The following SKIDA1 variants were observed in gnomAD, a reference collection of about 807,000 sequenced individuals.
SKIDA1 encodes SKI/DACH domain containing 1.
A neutral mutation model predicts 51.4 loss-of-function variants in SKIDA1; 18 were observed. The ratio of observed to expected loss-of-function variants is 0.35; its 90% confidence interval spans 0.24 to 0.52. The LOEUF (loss-of-function observed/expected upper bound fraction) is 0.52, where lower values mean the gene tolerates loss of function less well. Ranked by LOEUF, SKIDA1 falls within the 20% of genes least tolerant of loss-of-function variation. SKIDA1 has a pLI of 0.95. For synonymous variants in SKIDA1, 579 were observed against 500.5 expected (o/e 1.16, Z -2.09); for missense variants, 1,104 against 1,180.6 (o/e 0.94, Z 0.95).
chr10:21,519,049 A>G lies in SKIDA1; in HGVS notation c.-1227T>C, dbSNP rs1324461845. ...AAGCATAGATAAGCCAGAAATGTGT[A>G]CACTTTTCCACAATTAACCGTACTG... On this transcript the variant is annotated 5_prime_UTR_variant, in exon 4 of 4. Coordinates refer to ENST00000449193, the MANE Select transcript of SKIDA1 (RefSeq NM_207371.4). The G allele has an allele frequency of 6.0e-6, 1 of 167,002 alleles. No individual in the cohort carries two copies. The highest frequency in any genetic ancestry group is 1.5e-5 in the Non-Finnish European group (1 of 68,138). The allele number at this position is 167,002 out of a possible 1,614,324, so 10.3% of individuals were successfully genotyped here. A position where few individuals can be genotyped will look rare whatever the true frequency, so the allele number is the denominator to read the frequency against.
rs1339266732 is a variant in SKIDA1, at chr10:21,517,442, G to T, written c.381C>A (p.Pro127=). The change falls in exon 4 of 4, where the codon CCC becomes CCA. Residue 127 remains proline (P), a synonymous_variant. Coordinates refer to ENST00000449193, the MANE Select transcript of SKIDA1 (RefSeq NM_207371.4). The surrounding 1 kb of genome is among the most constrained non-coding windows in gnomAD (Gnocchi z 6.9). The stretch of plus-strand genomic sequence containing the variant: ...GCTTGTCCTTCCAAAATCCCGGGCG[G>T]GGGCTGGCGGCAGCGGCGCGCTCTG... The part of the protein sequence containing the change: ...PPPERAAAAS[P]RPGFWKDKHQ... The T allele has an allele frequency of 1.3e-6, 2 of 1,500,104 alleles. No homozygotes were observed. Among genetic ancestry groups the T allele is most frequent in the East Asian group, 2.5e-5 (1 of 40,224 alleles). 92.9% of individuals were successfully genotyped at this position (1,500,104 alleles called of 1,614,324 possible).
Position 21,515,691 on chromosome 10 carries a change from C to A in SKIDA1, c.2132G>T (p.Cys711Phe). ...GTAAAACTCACCCTTTGTATCATTG[C>A]ACTCGCACTTTAGCTTATTTGTAAA... is the stretch of plus-strand genomic sequence containing the variant. ...HLFTNKLKCE[C>F]NDTKGEFYSV... Residue 711 changes from cysteine to phenylalanine, a missense_variant, in exon 4 of 4, where the codon TGC (cysteine) becomes TTC (phenylalanine). Physicochemically the swap from Cys to Phe is radical, Grantham distance 205. Coordinates refer to ENST00000449193, the MANE Select transcript of SKIDA1 (RefSeq NM_207371.4). The A allele has an allele frequency of 6.2e-7, 1 of 1,614,056 alleles. No individual in the cohort carries two copies. The highest frequency in any genetic ancestry group is 8.5e-7 in the Non-Finnish European group (1 of 1,179,910).
At position 21,517,102 on chromosome 10, in the gene SKIDA1, C is replaced by CA. The variant is rs2032256130; in HGVS notation, c.720_721insT (p.Ala241CysfsTer198). On this transcript the variant is annotated frameshift_variant, in exon 4 of 4. Coordinates refer to ENST00000449193, the MANE Select transcript of SKIDA1 (RefSeq NM_207371.4). LOFTEE classifies it high-confidence loss of function. The surrounding 1 kb of genome is among the most constrained non-coding windows in gnomAD (Gnocchi z 6.9). ...GATACCTGGTAATAGGCGGCGGCGG[C>CA]GGCGGCGGCGGCGGCGGCAGCAGCG... The CA allele has an allele frequency of 1.7e-5, 17 of 993,174 alleles. No homozygotes were observed. Among genetic ancestry groups the CA allele is most frequent in the Non-Finnish European group, 2.0e-5 (17 of 836,670 alleles). The allele number at this position is 993,174 out of a possible 1,614,324, so 61.5% of individuals were successfully genotyped here.
At position 21,516,890 on chromosome 10, in the gene SKIDA1, TGCC is replaced by T. The variant is rs749533809; in HGVS notation, c.930_932del (p.Ala318del). On this transcript the variant is annotated inframe_deletion, in exon 4 of 4. Coordinates refer to ENST00000449193, the MANE Select transcript of SKIDA1 (RefSeq NM_207371.4). The surrounding 1 kb of genome is among the most constrained non-coding windows in gnomAD (Gnocchi z 5.7). ...CCCCCGCGGCGGCCGCCGCCGCCGC[TGCC>T]GCCGCCGCCGCCGCCGCCGCCGCCT... 480 of 1,189,042 alleles carry T rather than the reference TGCC, an allele frequency of 4.0e-4. No homozygotes were observed. Among genetic ancestry groups the T allele is most frequent in the Admixed American group, 2.3e-3 (49 of 21,464 alleles). 73.7% of individuals were successfully genotyped at this position (1,189,042 alleles called of 1,614,324 possible). A position where few individuals can be genotyped will look rare whatever the true frequency, so the allele number is the denominator to read the frequency against.
chr10:21,519,486 A>G lies in SKIDA1; in HGVS notation c.-1664T>C, dbSNP rs913898174. ...GAGCAAGGGTCCTCCCAGTCGCATT[A>G]CCACGATCCCAAGGCGGCTCCTTGG... On this transcript the variant is annotated 5_prime_UTR_variant, in exon 4 of 4. Coordinates refer to ENST00000449193, the MANE Select transcript of SKIDA1 (RefSeq NM_207371.4). 1.2e-5 allele frequency: 2 copies of G among 167,078 alleles called. No homozygotes were observed. Among genetic ancestry groups the G allele is most frequent in the African/African-American group, 4.8e-5 (2 of 41,448 alleles). 10.3% of individuals were successfully genotyped at this position (167,078 alleles called of 1,614,324 possible).
chr10:21,523,134 G>A (rs1398869447), intron 2 of SKIDA1, among the ~76,000 whole-genome samples: 8 of 151,892 alleles, frequency 5.3e-5, no homozygotes, highest in South Asian at 4.2e-4. Context: ...TGTAAGAAAC[G>A]GCTAGGCCAC....
chr10:21,516,545 CTCCTCT>C lies in SKIDA1; in HGVS notation c.1272_1277del (p.Glu427_Glu428del). On this transcript the variant is annotated inframe_deletion, in exon 4 of 4. Transcript: ENST00000449193. This position sits in a 1 kb window ranked among gnomAD's most constrained non-coding sequence, Gnocchi z 5.7. The stretch of plus-strand genomic sequence containing the variant: ...CCGAGGCCCCGCTGCCCCCCTCCTC[CTCCTCT>C]TCCTCCTCCTCCTCCTCTCCCTCCT... The C allele has an allele frequency of 6.5e-7, 1 of 1,546,958 alleles. No homozygotes were observed.
Position 21,517,447 on chromosome 10 carries a change from T to C in SKIDA1, c.376A>G (p.Ser126Gly). 1 of 1,505,998 alleles carries C rather than the reference T, an allele frequency of 6.6e-7. No homozygotes were observed. Among genetic ancestry groups the C allele is most frequent in the East Asian group, 2.5e-5 (1 of 40,180 alleles). 93.3% of individuals were successfully genotyped at this position (1,505,998 alleles called of 1,614,324 possible). Residue 126 changes from serine (S) to glycine (G), a missense_variant, in exon 4 of 4, where the codon AGC becomes GGC. Physicochemically the swap from Ser to Gly is moderately conservative, Grantham distance 56. Transcript: ENST00000449193. The surrounding 1 kb of genome is among the most constrained non-coding windows in gnomAD (Gnocchi z 6.9). ...APPPERAAAASPRPGFWKDKH... is the reference protein window; with the variant it reads ...APPPERAAAAGPRPGFWKDKH... Reference sequence around the variant, plus strand: ...TCCTTCCAAAATCCCGGGCGGGGGCTGGCGGCAGCGGCGCGCTCTGGCGGC... The same window carrying C: ...TCCTTCCAAAATCCCGGGCGGGGGCCGGCGGCAGCGGCGCGCTCTGGCGGC...
Position 21,515,774 on chromosome 10 carries a change from G to A in SKIDA1, c.2049C>T (p.His683=), listed in dbSNP as rs747451221. Reference sequence around the variant, plus strand: ...TGTCTTCTACTTTGATTTTAATATTGTGCAGAAATGGCAATGTCTTGTCGC... The same window carrying A: ...TGTCTTCTACTTTGATTTTAATATTATGCAGAAATGGCAATGTCTTGTCGC... ...DTGDKTLPFL[H]NIKIKVEDSS... Residue 683 remains histidine (H), a synonymous_variant, in exon 4 of 4, where the codon CAC becomes CAT. Coordinates refer to ENST00000449193, the MANE Select transcript of SKIDA1 (RefSeq NM_207371.4). 6.2e-7 allele frequency: 1 copy of A among 1,613,764 alleles called. No homozygotes were observed. The highest frequency in any genetic ancestry group is 1.3e-5 in the African/African-American group (1 of 74,870).
chr10:21,516,887 C>CGCA lies in SKIDA1; in HGVS notation c.935_936insTGC (p.Ala318dup), dbSNP rs2032238853. ...TGGCCCCCGCGGCGGCCGCCGCCGC[C>CGCA]GCTGCCGCCGCCGCCGCCGCCGCCG... On this transcript the variant is annotated inframe_insertion, in exon 4 of 4. Coordinates refer to ENST00000449193, the MANE Select transcript of SKIDA1 (RefSeq NM_207371.4). The surrounding 1 kb of genome is among the most constrained non-coding windows in gnomAD (Gnocchi z 5.7). The CGCA allele has an allele frequency of 8.7e-7, 1 of 1,152,188 alleles. No individual in the cohort carries two copies. Among genetic ancestry groups the CGCA allele is most frequent in the Admixed American group, 4.8e-5 (1 of 20,652 alleles). The allele number at this position is 1,152,188 out of a possible 1,614,324, so 71.4% of individuals were successfully genotyped here.
Position 21,518,646 on chromosome 10 carries a change from C to T in SKIDA1, c.-824G>A, listed in dbSNP as rs1201943963. 1 of 166,864 alleles carries T rather than the reference C, an allele frequency of 6.0e-6. No homozygotes were observed. Among genetic ancestry groups the T allele is most frequent in the Non-Finnish European group, 1.5e-5 (1 of 68,084 alleles). The allele number at this position is 166,864 out of a possible 1,614,324, so 10.3% of individuals were successfully genotyped here. On this transcript the variant is annotated 5_prime_UTR_variant, in exon 4 of 4. The change abolishes an upstream ATG in the 5' untranslated region. Coordinates refer to ENST00000449193, the MANE Select transcript of SKIDA1 (RefSeq NM_207371.4). Reference sequence around the variant, plus strand: ...CAGCTATTATCATTTCAAAGAAAAGCATTTAAAAAACATTATCAAGCCGAA... The same window carrying T: ...CAGCTATTATCATTTCAAAGAAAAGTATTTAAAAAACATTATCAAGCCGAA...
rs1564336244 is a variant in SKIDA1 at position 21,518,546 on chromosome 10, A to G, written c.-724T>C. The G allele has an allele frequency of 1.2e-5, 2 of 166,038 alleles. No individual in the cohort carries two copies. The highest frequency in any genetic ancestry group is 3.0e-5 in the Non-Finnish European group (2 of 67,652). 10.3% of individuals were successfully genotyped at this position (166,038 alleles called of 1,614,324 possible). A position where few individuals can be genotyped will look rare whatever the true frequency, so the allele number is the denominator to read the frequency against. ...TGTGTGTACGCTTAAGGGAGAAAAA[A>G]AAAAAAACCGCACCGTATATTCGCC... On this transcript the variant is annotated 5_prime_UTR_variant, in exon 4 of 4. Transcript: ENST00000449193.
intron 3 of SKIDA1, among the ~76,000 whole-genome samples, chr10:21,521,058 G>GCACACACACACA (rs139184900): frequency 0.16 from 23,458 of 146,516 alleles, 2,260 homozygotes; most frequent in Middle Eastern, 0.34. Context: ...ATGAGTGCAT[G>GCACACACACACA]CACACACACA....
At position 21,517,427 on chromosome 10, in the gene SKIDA1, C is replaced by G. The variant is rs2131272915; in HGVS notation, c.396G>C (p.Trp132Cys). The part of the protein sequence containing the change: ...AAAASPRPGF[W>C]KDKHQLWRGL... ...CCCGCCAAAGTTGGTGCTTGTCCTT[C>G]CAAAATCCCGGGCGGGGGCTGGCGG... The change falls in exon 4 of 4, where the codon TGG becomes TGC. Residue 132 changes from tryptophan to cysteine, a missense_variant. This residue lies in a region of SKIDA1 where 938 missense variants were observed against 886.4 expected (regional missense o/e 1.06). Coordinates refer to ENST00000449193, the MANE Select transcript of SKIDA1 (RefSeq NM_207371.4). The surrounding 1 kb of genome is among the most constrained non-coding windows in gnomAD (Gnocchi z 6.9). The G allele has an allele frequency of 6.7e-7, 1 of 1,488,688 alleles. No individual in the cohort carries two copies. The highest frequency in any genetic ancestry group is 1.4e-5 in the South Asian group (1 of 73,070). The allele number at this position is 1,488,688 out of a possible 1,614,324, so 92.2% of individuals were successfully genotyped here. A position where few individuals can be genotyped will look rare whatever the true frequency, so the allele number is the denominator to read the frequency against.
In SKIDA1 at chr10:21,515,696, G is replaced by A. The variant is rs763927625; in HGVS notation, c.2127C>T (p.Cys709=). The part of the protein sequence containing the change: ...EPHLFTNKLK[C]ECNDTKGEFY... Reference sequence around the variant, plus strand: ...ACTCACCCTTTGTATCATTGCACTCGCACTTTAGCTTATTTGTAAAAAGGT... The same window carrying A: ...ACTCACCCTTTGTATCATTGCACTCACACTTTAGCTTATTTGTAAAAAGGT... Residue 709 remains cysteine, a synonymous_variant, in exon 4 of 4, where the codon TGC becomes TGT. Coordinates refer to ENST00000449193, the MANE Select transcript of SKIDA1 (RefSeq NM_207371.4). 3.1e-6 allele frequency: 5 copies of A among 1,613,842 alleles called. No individual in the cohort carries two copies. The African/African-American group carries it at 5.3e-5, about 17-fold the overall frequency.
At chr10:21,525,311 G>A (rs1371680734) in intron 1 of SKIDA1, among the ~76,000 whole-genome samples, 1 of 152,212 alleles carries the variant, frequency 6.6e-6, no homozygotes, top group Non-Finnish European at 1.5e-5. Flanking sequence ...GCTGGGAAAG[G>A]AGAGGGATTC....
At chr10:21,524,659 A>G (rs1019478029) in intron 1 of SKIDA1, 1 of 140,486 alleles carries the variant, frequency 7.1e-6, no homozygotes, top group Admixed American at 7.6e-5. Flanking sequence ...AAAAGAGGGC[A>G]GAGAGCGAAA....
In SKIDA1 at chr10:21,516,920, G is replaced by GCC; in HGVS notation, c.902_903insGG (p.Lys302AlafsTer245). On this transcript the variant is annotated frameshift_variant, in exon 4 of 4. Transcript: ENST00000449193. LOFTEE classifies it high-confidence loss of function. The surrounding 1 kb of genome is among the most constrained non-coding windows in gnomAD (Gnocchi z 5.7). The stretch of plus-strand genomic sequence containing the variant: ...CCGCCGCCGCCGCCGCCGCCGCCTT[G>GCC]GCTTTGTAGGACCTGGGCAACAGCA... The GCC allele has an allele frequency of 8.8e-7, 1 of 1,136,670 alleles. No homozygotes were observed. Among genetic ancestry groups the GCC allele is most frequent in the Non-Finnish European group, 1.1e-6 (1 of 930,730 alleles). The allele number at this position is 1,136,670 out of a possible 1,614,324, so 70.4% of individuals were successfully genotyped here.
In SKIDA1 at chr10:21,516,533, G is replaced by GA; in HGVS notation, c.1289_1290insT (p.Ser431GlnfsTer8). 7.4e-7 allele frequency: 1 copy of GA among 1,346,804 alleles called. No individual in the cohort carries two copies. The highest frequency in any genetic ancestry group is 1.0e-6 in the Non-Finnish European group (1 of 999,646). 83.4% of individuals were successfully genotyped at this position (1,346,804 alleles called of 1,614,324 possible). A position where few individuals can be genotyped will look rare whatever the true frequency, so the allele number is the denominator to read the frequency against. ...CTTCACTGGAATCCGAGGCCCCGCT[G>GA]CCCCCCTCCTCCTCCTCTTCCTCCT... On this transcript the variant is annotated frameshift_variant, in exon 4 of 4. Transcript: ENST00000449193. LOFTEE classifies it high-confidence loss of function. This position sits in a 1 kb window ranked among gnomAD's most constrained non-coding sequence, Gnocchi z 5.7.
Sources: gnomAD v4.1 joint callset for allele counts (sites outside exome capture counted in the v4.1 genomes callset) on GRCh38, gnomAD v4.1.1 for gene constraint, gnomAD v4.1.1 regional missense constraint, Gnocchi (gnomAD v3.1) non-coding constraint, MANE v1.5 for transcripts, NCBI Gene and HGNC (gene_info 2026-07-23, HGNC 2026-07-21) for gene names.